The following ATF7 variants were observed in gnomAD, a reference collection of about 807,000 sequenced individuals.
ATF7 encodes activating transcription factor 7.
In ATF7, 10 loss-of-function variants were observed where a neutral mutation model predicts 50.4. The observed-to-expected ratio is 0.20, with a 90% CI of 0.12 to 0.34. ATF7 has a LOEUF of 0.34. ATF7 is among the 10% of genes least tolerant of loss of function. ATF7 has a pLI of 1.00. For synonymous variants in ATF7, 201 were observed against 226.4 expected, an observed-to-expected ratio of 0.89 and a Z score of 1.01; for missense variants, 465 against 613.9, an observed-to-expected ratio of 0.76 and a Z score of 2.56.
intron 4 of ATF7, among the ~76,000 whole-genome samples, chr12:53,539,551 T>C (rs1014203727): frequency 1.3e-5 from 2 of 152,040 alleles, no homozygotes; most frequent in African/African-American, 4.8e-5. Flanking sequence ...TAGTCAGGCA[T>C]GGTGGTACGC....
chr12:53,516,758 C>T lies in ATF7; in HGVS notation c.*379G>A, dbSNP rs1390528506. On this transcript the variant is annotated 3_prime_UTR_variant, in exon 12 of 12. Transcript: ENST00000420353. ...GTAAGGAACAAAAAGGTAACAGCCACGGCTTAGTGGGAAGAGAGGGAACTG... is the reference window on the plus strand; with the variant it reads ...GTAAGGAACAAAAAGGTAACAGCCATGGCTTAGTGGGAAGAGAGGGAACTG... The T allele has an allele frequency of 2.8e-5, 6 of 211,452 alleles. No individual in the cohort carries two copies. The highest frequency in any genetic ancestry group is 8.8e-5 in the South Asian group (1 of 11,358). The allele number at this position is 211,452 out of a possible 1,614,324, so 13.1% of individuals were successfully genotyped here.
At chr12:53,556,203 C>T (rs1040437040) in intron 2 of ATF7, among the ~76,000 whole-genome samples, 1 of 152,198 alleles carries the variant, frequency 6.6e-6, no homozygotes, top group Non-Finnish European at 1.5e-5. Context: ...TTGGCCAGTG[C>T]AGTGGCCCGG....
chr12:53,528,391 G>T (rs989820381), intron 9 of ATF7, among the ~76,000 whole-genome samples: 1 of 152,148 alleles, frequency 6.6e-6, no homozygotes. Flanking sequence ...ACTTTGGGAG[G>T]CCAAGGCGGG....
At chr12:53,532,114 G>C (rs930946294) in intron 8 of ATF7, among the ~76,000 whole-genome samples, 4 of 152,166 alleles carry the variant, frequency 2.6e-5, no homozygotes, top group Non-Finnish European at 5.9e-5. Flanking sequence ...CCTGGGCACA[G>C]TTGGGGGCTG....
At chr12:53,621,811 T>G (rs1431084766) in intron 1 of ATF7, among the ~76,000 whole-genome samples, 1 of 125,370 alleles carries the variant, frequency 8.0e-6, no homozygotes, top group African/African-American at 3.0e-5. Flanking sequence ...AAAAAAAAAA[T>G]CAACTACACA....
chr12:53,613,485 A>G (rs1426575253), intron 1 of ATF7, among the ~76,000 whole-genome samples: 2 of 152,162 alleles, frequency 1.3e-5, no homozygotes, highest in African/African-American at 4.8e-5. Context: ...GATATAACCC[A>G]GATAAACAAA....
At position 53,524,923 on chromosome 12, in the gene ATF7, G is replaced by T; in HGVS notation, c.928-162C>A. On this transcript the variant is annotated intron_variant, in intron 9 of 11. Coordinates refer to ENST00000420353, the MANE Select transcript of ATF7 (RefSeq NM_006856.3). This position sits in a 1 kb window ranked among gnomAD's most constrained non-coding sequence, Gnocchi z 4.6. ...ATGTCCCCAAGCTTCCCTTTTGTAG[G>T]AGTCCTCAATTTTGCCTCCTATTTC... 1 of 673,350 alleles carries T rather than the reference G, an allele frequency of 1.5e-6. No individual in the cohort carries two copies. Among genetic ancestry groups the T allele is most frequent in the Non-Finnish European group, 2.4e-6 (1 of 424,590 alleles). The allele number at this position is 673,350 out of a possible 1,614,324, so 41.7% of individuals were successfully genotyped here.
At chr12:53,582,610 G>A (rs2137710287) in intron 2 of ATF7, among the ~76,000 whole-genome samples, 1 of 152,218 alleles carries the variant, frequency 6.6e-6, no homozygotes, top group South Asian at 2.1e-4. Context: ...ACGGAGTCTC[G>A]TTCTGTCGCC....
intron 2 of ATF7, among the ~76,000 whole-genome samples, chr12:53,567,570 A>G (rs896656048): frequency 4.6e-5 from 7 of 152,256 alleles, no homozygotes; most frequent in African/African-American, 1.7e-4. Context: ...ATCTTTCCTT[A>G]GATGGCAGCT....
At chr12:53,511,622 C>T (rs2137288689), downstream of ATF7, among the ~76,000 whole-genome samples, 1 of 152,330 alleles carries the variant, frequency 6.6e-6, no homozygotes, top group Middle Eastern at 3.4e-3. Flanking sequence ...GAAAGCTATA[C>T]TTTCCGTCTT....
chr12:53,601,905 G>A (rs925157035), intron 1 of ATF7, among the ~76,000 whole-genome samples: 7 of 152,144 alleles, frequency 4.6e-5, no homozygotes, highest in Non-Finnish European at 7.4e-5. Context: ...GGTTTATACC[G>A]TTTTATAAAT....
chr12:53,601,027 G>A lies in ATF7; in HGVS notation c.-21-6C>T. 6.2e-7 allele frequency: 1 copy of A among 1,607,632 alleles called. No homozygotes were observed. The highest frequency in any genetic ancestry group is 8.5e-7 in the Non-Finnish European group (1 of 1,176,584). On this transcript the variant is annotated splice_polypyrimidine_tract_variant and splice_region_variant and intron_variant, in intron 1 of 11. Coordinates refer to ENST00000420353, the MANE Select transcript of ATF7 (RefSeq NM_006856.3). ...TTTCATATAGCAGAGAGGAGCTGAG[G>A]AGGGGGAGGTGAGGGAAAAAGTTAT...
At chr12:53,599,701 T>C (rs150433672) in intron 2 of ATF7, among the ~76,000 whole-genome samples, 134 of 152,292 alleles carry the variant, frequency 8.8e-4, no homozygotes, top group Non-Finnish European at 1.4e-3. Flanking sequence ...ATCTCTGAAA[T>C]TTAACTCTTC....
At chr12:53,617,991 CAA>C (rs1350220743) in intron 1 of ATF7, among the ~76,000 whole-genome samples, 2 of 151,736 alleles carry the variant, frequency 1.3e-5, no homozygotes, top group African/African-American at 4.8e-5. Flanking sequence ...TCTTTCAACA[CAA>C]AGTGTCCACA....
intron 3 of ATF7, among the ~76,000 whole-genome samples, chr12:53,546,783 G>A (rs1222905205): frequency 1.4e-5 from 2 of 145,386 alleles, no homozygotes; most frequent in East Asian, 2.1e-4. Context: ...TTTGAGACAA[G>A]ATCTCACTTT....
intron 3 of ATF7, among the ~76,000 whole-genome samples, chr12:53,546,056 G>T (rs995462858): frequency 3.9e-5 from 6 of 152,154 alleles, no homozygotes; most frequent in Admixed American, 2.6e-4. Context: ...GCCAGGCATG[G>T]TGGCGCATGC....
chr12:53,589,572 C>A (rs922038672), intron 2 of ATF7, among the ~76,000 whole-genome samples: 2 of 152,176 alleles, frequency 1.3e-5, no homozygotes, highest in African/African-American at 4.8e-5. Flanking sequence ...ATGCTAAGAA[C>A]TTTCCCTAGG....
intron 1 of ATF7, among the ~76,000 whole-genome samples, chr12:53,602,777 G>C (rs1357364425): frequency 6.6e-6 from 1 of 152,156 alleles, no homozygotes; most frequent in Admixed American, 6.5e-5. Flanking sequence ...GGATGAGGGG[G>C]GTTTTCTGGT....
intron 2 of ATF7, among the ~76,000 whole-genome samples, chr12:53,561,981 G>A (rs977782481): frequency 3.9e-5 from 6 of 152,224 alleles, no homozygotes; most frequent in Non-Finnish European, 1.5e-5. Flanking sequence ...ACTAAACAGA[G>A]GAGCGGGGAC....
Sources: gnomAD v4.1 joint callset for allele counts (sites outside exome capture counted in the v4.1 genomes callset) on GRCh38, gnomAD v4.1.1 for gene constraint, Gnocchi (gnomAD v3.1) non-coding constraint, MANE v1.5 for transcripts, NCBI Gene and HGNC (gene_info 2026-07-23, HGNC 2026-07-21) for gene names.